Variants in CACNA1S observed in about 807,000 individuals in gnomAD.
CACNA1S encodes voltage-dependent L-type calcium channel subunit alpha-1S.
In CACNA1S, 126 loss-of-function variants were observed where a neutral mutation model predicts 207.4. The ratio of observed to expected loss-of-function variants is 0.61; its 90% CI spans 0.53 to 0.70. The LOEUF (loss-of-function observed/expected upper bound fraction) is 0.70. Ranked by LOEUF, CACNA1S falls within the 30% of genes least tolerant of loss-of-function variation. CACNA1S has a pLI of 0.00. For synonymous variants in CACNA1S, 960 were observed against 932.7 expected (o/e 1.03, Z -0.53); for missense variants, 2,349 against 2,422.8 (o/e 0.97, Z 0.64).
At chr1:201,058,630 T>G in intron 27 of CACNA1S, 139 bp from the exon 28 acceptor site, 1 of 691,938 alleles carries the variant, frequency 1.4e-6, no homozygotes, top group Non-Finnish European at 2.7e-6. Context: ...TGACTCCACC[T>G]CCCACTGGTG....
At chr1:201,050,260 G>T in intron 34 of CACNA1S, 129 bp downstream of exon 34, 1 of 1,020,292 alleles carries the variant, frequency 9.8e-7, no homozygotes, top group South Asian at 1.3e-5. Context: ...TCTGATCTGA[G>T]ACCTCAGATA....
intron 2 of CACNA1S, among the ~76,000 whole-genome samples, chr1:201,097,712 T>C (rs569792127): frequency 1.3e-5 from 2 of 152,218 alleles, no homozygotes; most frequent in South Asian, 4.2e-4. Flanking sequence ...CCATCAGTAA[T>C]AGCATTTGGG....
rs772526979 is a variant in CACNA1S at position 201,053,191 on chromosome 1, G to C, written c.3861+18C>G. The stretch of plus-strand genomic sequence containing the variant: ...TGGCCAAGATCCATGCTTTGGCCTG[G>C]GCCCGCCTGCCTCTCACCTGCATGC... On this transcript the variant is annotated intron_variant, in intron 31 of 43. Transcript: ENST00000362061. The surrounding 1 kb of genome is among the most constrained non-coding windows in gnomAD (Gnocchi z 5.1). The C allele has an allele frequency of 2.5e-6, 4 of 1,614,148 alleles. No homozygotes were observed. In the African/African-American group the frequency reaches 5.3e-5, roughly 22 times the overall value.
chr1:201,102,958 A>T (rs1002472203), intron 2 of CACNA1S, among the ~76,000 whole-genome samples: 1 of 152,204 alleles, frequency 6.6e-6, no homozygotes, highest in Non-Finnish European at 1.5e-5. Flanking sequence ...GGGAATGAAC[A>T]TTTATTGAGC....
chr1:201,052,688 A>G, intron 31 of CACNA1S, 40 bp from the exon 32 acceptor site: 5 of 1,511,368 alleles, frequency 3.3e-6, no homozygotes, highest in Non-Finnish European at 4.6e-6. Flanking sequence ...AACCTAGATT[A>G]AAGTGTCCCC....
chr1:201,095,068 T>A (rs914679729), intron 2 of CACNA1S, among the ~76,000 whole-genome samples: 4 of 151,406 alleles, frequency 2.6e-5, no homozygotes, highest in African/African-American at 7.3e-5. Context: ...CCCGAGGGGG[T>A]GCTGACCCAG....
intron 9 of CACNA1S, among the ~76,000 whole-genome samples, chr1:201,083,933 C>T (rs989987648): frequency 1.3e-5 from 2 of 152,094 alleles, no homozygotes; most frequent in Non-Finnish European, 2.9e-5. Context: ...TCTAGAGTTC[C>T]TTTGGCAGAA....
chr1:201,069,744 G>A lies in CACNA1S; in HGVS notation c.2361-143C>T, dbSNP rs1043643967. The A allele has an allele frequency of 8.8e-6, 9 of 1,019,764 alleles. No homozygotes were observed. The African/African-American group carries it at 1.3e-4, about 15-fold the overall frequency. 63.2% of individuals were successfully genotyped at this position (1,019,764 alleles called of 1,614,324 possible). A position where few individuals can be genotyped will look rare whatever the true frequency, so the allele number is the denominator to read the frequency against. On this transcript the variant is annotated intron_variant, in intron 17 of 43. Coordinates refer to ENST00000362061, the MANE Select transcript of CACNA1S (RefSeq NM_000069.3). The stretch of plus-strand genomic sequence containing the variant: ...GAGAAGTGCAGCCCTGCACCTGCAG[G>A]GTCCTCTGGCTGGACACACAGGGGG...
rs755271980 is a variant in CACNA1S at position 201,083,340 on chromosome 1, G to A, written c.1233-18C>T. On this transcript the variant is annotated intron_variant, in intron 9 of 43. Coordinates refer to ENST00000362061, the MANE Select transcript of CACNA1S (RefSeq NM_000069.3). ...AATGTCGGCTGAGGGAGGGGACAGA[G>A]GATGGTCTACAGTGCTGTGCTGTTC... 77 of 1,613,904 alleles carry A rather than the reference G, an allele frequency of 4.8e-5. 1 individual carries two copies. In the South Asian group the frequency reaches 8.3e-4, roughly 17 times the overall value.
chr1:201,088,960 T>C (rs1484421459), intron 6 of CACNA1S, among the ~76,000 whole-genome samples: 3 of 152,234 alleles, frequency 2.0e-5, no homozygotes, highest in Non-Finnish European at 4.4e-5. Context: ...TTCTAAGCCA[T>C]CAGAATTGAG....
chr1:201,080,714 T>C (rs1661812019), intron 10 of CACNA1S, among the ~76,000 whole-genome samples: 1 of 149,604 alleles, frequency 6.7e-6, no homozygotes, highest in Non-Finnish European at 1.5e-5. Context: ...GGTGGCTCTG[T>C]TCCTTATTTG....
chr1:201,047,548 T>C lies in CACNA1S; in HGVS notation c.4520A>G (p.Asp1507Gly). 1 of 1,614,096 alleles carries C rather than the reference T, an allele frequency of 6.2e-7. No individual in the cohort carries two copies. The highest frequency in any genetic ancestry group is 8.5e-7 in the Non-Finnish European group (1 of 1,179,924). Residue 1507 changes from aspartate (D) to glycine (G), a missense_variant, in exon 37 of 44, where the codon GAC becomes GGC. Physicochemically the swap from Asp to Gly is moderately conservative, Grantham distance 94. Coordinates refer to ENST00000362061, the MANE Select transcript of CACNA1S (RefSeq NM_000069.3). ...IWKRTSMKLL[D>G]QVIPPIGDDE... ...ACCTCCTATTGGAGGGATGACCTGGTCCAAGAGCTTCATGCTGGTTCTCTT... is the reference window on the plus strand; with the variant it reads ...ACCTCCTATTGGAGGGATGACCTGGCCCAAGAGCTTCATGCTGGTTCTCTT...
rs1660136735 is a variant in CACNA1S, at chr1:201,040,671, A to G, written c.5177T>C (p.Leu1726Pro). 6.2e-7 allele frequency: 1 copy of G among 1,614,138 alleles called. No individual in the cohort carries two copies. The highest frequency in any genetic ancestry group is 8.5e-7 in the Non-Finnish European group (1 of 1,180,020). ...KPCVEMLKGL[L>P]TQRAMPRGQA... ...GCCTCTGGGCATTGCCCTCTGGGTC[A>G]GCAGTCCCTTCAGCATCTCCACACA... The change falls in exon 42 of 44, where the codon CTG (leucine) becomes CCG (proline). Residue 1726 changes from leucine (L) to proline (P), a missense_variant. Leu to Pro is a moderately conservative substitution (Grantham distance 98). Coordinates refer to ENST00000362061, the MANE Select transcript of CACNA1S (RefSeq NM_000069.3).
chr1:201,088,875 G>T (rs1277348803), intron 6 of CACNA1S, among the ~76,000 whole-genome samples: 1 of 152,138 alleles, frequency 6.6e-6, no homozygotes, highest in African/African-American at 2.4e-5. Context: ...TCTAATAATA[G>T]TTATATGGGA....
chr1:201,043,563 G>A (rs1558052218), intron 39 of CACNA1S, 32 bp from the exon 40 acceptor site: 1 of 1,612,288 alleles, frequency 6.2e-7, no homozygotes, highest in Non-Finnish European at 8.5e-7. Context: ...GTGACTGGGG[G>A]TGAGGGCAGG....
rs148870919 is a variant in CACNA1S, at chr1:201,054,543, C to T, written c.3628G>A (p.Gly1210Arg). The change falls in exon 29 of 44, where the codon GGG becomes AGG. Residue 1210 changes from glycine to arginine, a missense_variant. Physicochemically the swap from Gly to Arg is moderately radical, Grantham distance 125. Coordinates refer to ENST00000362061, the MANE Select transcript of CACNA1S (RefSeq NM_000069.3). ...CCTCCACCCAGGCAATACAGTCCCC[C>T]GCTGGAGGCCAGGAAAGTCTGTGGA... ...SEIDTFLASS[G>R]GLYCLGGGCG... The T allele has an allele frequency of 7.9e-4, 1,277 of 1,613,574 alleles. 1 individual carries two copies. The highest frequency in any genetic ancestry group is 1.0e-3 in the Non-Finnish European group (1,224 of 1,179,874).
At chr1:201,108,313 G>A (rs1248639566) in intron 2 of CACNA1S, among the ~76,000 whole-genome samples, 1 of 152,042 alleles carries the variant, frequency 6.6e-6, no homozygotes, top group African/African-American at 2.4e-5. Flanking sequence ...ATGTTGCCCA[G>A]GCTGGTCTTG....
At chr1:201,072,710 C>A (rs746314314) in intron 16 of CACNA1S, 45 bp downstream of exon 16, 3 of 1,484,318 alleles carry the variant, frequency 2.0e-6, no homozygotes, top group South Asian at 2.3e-5. Context: ...CACACCCCTA[C>A]TTCACCCCAG....
At chr1:201,097,246 G>A (rs1445367828) in intron 2 of CACNA1S, among the ~76,000 whole-genome samples, 4 of 151,892 alleles carry the variant, frequency 2.6e-5, no homozygotes, top group Non-Finnish European at 4.4e-5. Flanking sequence ...ATACAGACCC[G>A]GCTACTGCCT....
Sources: allele counts gnomAD v4.1 joint callset (sites outside exome capture counted in the v4.1 genomes callset), GRCh38; gene constraint gnomAD v4.1.1; non-coding constraint Gnocchi (gnomAD v3.1); transcripts MANE v1.5; gene names NCBI Gene and HGNC (gene_info 2026-07-23, HGNC 2026-07-21).